STK33: variants seen among roughly 807,000 people sequenced by gnomAD.
STK33 encodes the protein serine/threonine kinase 33, also known as serine/threonine-protein kinase 33.
Under a neutral mutation model 58.0 loss-of-function variants are expected in STK33, and 52 were observed. The observed-to-expected ratio is 0.90, with a 90% CI of 0.72 to 1.13. The LOEUF (loss-of-function observed/expected upper bound fraction) is 1.13. STK33 is among the 50% of genes most tolerant of loss of function. The probability of loss-of-function intolerance (pLI) is 0.00; values close to 1 mark genes in which losing one functional copy is unlikely to be tolerated. For missense variants in STK33, 630 were observed against 604.2 expected (o/e 1.04, Z -0.45); for synonymous variants, 215 against 200.1 (o/e 1.07, Z -0.63).
chr11:8,509,582 G>A (rs537831467), intron 1 of STK33, among the ~76,000 whole-genome samples: 2 of 152,236 alleles, frequency 1.3e-5, no homozygotes, highest in South Asian at 2.1e-4. Context: ...CCTTAGTGGT[G>A]ATTTCTGAGA....
In STK33 at chr11:8,539,328, G is replaced by C. The variant is rs1955314627; in HGVS notation, c.-466+54755C>G. On this transcript the variant is annotated intron_variant, in intron 1 of 15. Transcript: ENST00000687296. ...TAAAGGCAATCTCTGACACGGTGCT[G>C]CATCTCAAAATGTTCCCTCAGTGAG... 4.6e-5 allele frequency among the ~76,000 whole-genome samples: 7 copies of C among 152,192 alleles called. 1 individual carries two copies. Among genetic ancestry groups the C allele is most frequent in the Admixed American group, 4.6e-4 (7 of 15,282 alleles).
intron 1 of STK33, among the ~76,000 whole-genome samples, chr11:8,497,165 TA>T: frequency 1.3e-5 from 2 of 151,948 alleles, no homozygotes; most frequent in South Asian, 4.2e-4. Flanking sequence ...AGAAGAAACA[TA>T]AAGGGGAAGA....
At chr11:8,407,085 T>C (rs1407317968) in intron 15 of STK33, among the ~76,000 whole-genome samples, 2 of 152,082 alleles carry the variant, frequency 1.3e-5, no homozygotes, top group Admixed American at 6.5e-5. Context: ...CAAATGCTTT[T>C]CCCAAAATCA....
intron 1 of STK33, among the ~76,000 whole-genome samples, chr11:8,553,191 TATATATGGTG>T (rs1484905850): frequency 2.7e-4 from 20 of 75,400 alleles, no homozygotes; most frequent in African/African-American, 1.5e-3. Flanking sequence ...TATATATATA[TATATATGGTG>T]TATATATATA....
chr11:8,495,583 C>A (rs181641717), intron 1 of STK33, among the ~76,000 whole-genome samples: 13 of 152,176 alleles, frequency 8.5e-5, no homozygotes, highest in Non-Finnish European at 1.5e-5. Context: ...TTTGACCCAG[C>A]GATCCCATTA....
intron 1 of STK33, among the ~76,000 whole-genome samples, chr11:8,572,481 A>T (rs1957893895): frequency 6.6e-6 from 1 of 152,242 alleles, no homozygotes; most frequent in Non-Finnish European, 1.5e-5. Flanking sequence ...ATGCCCCAGA[A>T]ATGATACAAC....
At chr11:8,489,352 G>C (rs1249534890) in intron 1 of STK33, among the ~76,000 whole-genome samples, 1 of 151,188 alleles carries the variant, frequency 6.6e-6, no homozygotes, top group Non-Finnish European at 1.5e-5. Context: ...AAATATAGAT[G>C]ATCAATAAAT....
chr11:8,515,885 A>G (rs996524553), intron 1 of STK33, among the ~76,000 whole-genome samples: 3 of 152,208 alleles, frequency 2.0e-5, no homozygotes, highest in Non-Finnish European at 4.4e-5. Flanking sequence ...AGTTAACATC[A>G]CACTCAAAGG....
the STK33 span, among the ~76,000 whole-genome samples, chr11:8,348,354 G>A: frequency 1.3e-5 from 2 of 152,154 alleles, no homozygotes; most frequent in South Asian, 4.1e-4. Context: ...TTGGCGGAAG[G>A]GGAAGCAAAC....
At position 8,534,568 on chromosome 11, in the gene STK33, CTGTGTGTGTGTG is replaced by C. The variant is rs34999243; in HGVS notation, c.-465-53966_-465-53955del. Among the ~76,000 whole-genome samples, 32 of 104,736 alleles carry C rather than the reference CTGTGTGTGTGTG, an allele frequency of 3.1e-4. No individual in the cohort carries two copies. The East Asian group carries it at 7.9e-3, about 26-fold the overall frequency. The allele number at this position is 104,736 out of a possible 152,430, so 68.7% of individuals were successfully genotyped here. Reference sequence around the variant, plus strand: ...TCTCTCTCTCTCTCTCTCTCTCTCTCTGTGTGTGTGTGTGTGTGTGTGTGTGTGTGTGTCAAG... The same window carrying C: ...TCTCTCTCTCTCTCTCTCTCTCTCTCTGTGTGTGTGTGTGTGTGTGTCAAG... On this transcript the variant is annotated intron_variant, in intron 1 of 15. Coordinates refer to ENST00000687296, the MANE Select transcript of STK33 (RefSeq NM_001352389.2).
intron 1 of STK33, among the ~76,000 whole-genome samples, chr11:8,591,499 T>TTG (rs2032585479): frequency 6.6e-6 from 1 of 152,120 alleles, no homozygotes; most frequent in African/African-American, 2.4e-5. Flanking sequence ...GAAAGGGCAA[T>TTG]TGTGGGGAAG....
At chr11:8,592,791 C>A (rs1227132853) in intron 1 of STK33, among the ~76,000 whole-genome samples, 3 of 151,928 alleles carry the variant, frequency 2.0e-5, no homozygotes, top group African/African-American at 7.3e-5. Flanking sequence ...TAATGAGAAG[C>A]CATGATGGAT....
chr11:8,587,926 A>G (rs747120305), intron 1 of STK33, among the ~76,000 whole-genome samples: 1 of 152,242 alleles, frequency 6.6e-6, no homozygotes, highest in African/African-American at 2.4e-5. Context: ...ACAGAATACC[A>G]TAGACTGGGT....
At chr11:8,483,703 G>A (rs1950006013) in intron 1 of STK33, among the ~76,000 whole-genome samples, 1 of 151,966 alleles carries the variant, frequency 6.6e-6, no homozygotes, top group African/African-American at 2.4e-5. Flanking sequence ...GCTCCAGCCA[G>A]TACAATCAAT....
At chr11:8,494,643 T>C (rs1036690334) in intron 1 of STK33, among the ~76,000 whole-genome samples, 1 of 151,988 alleles carries the variant, frequency 6.6e-6, no homozygotes, top group Non-Finnish European at 1.5e-5. Context: ...GCCAAGACAA[T>C]CCTAAGCAAA....
At chr11:8,392,958 T>C (rs975175132) in intron 15 of STK33, among the ~76,000 whole-genome samples, 9 of 152,222 alleles carry the variant, frequency 5.9e-5, no homozygotes, top group Admixed American at 4.6e-4. Context: ...ACCTCTGTCG[T>C]CCAAAATGTA....
At chr11:8,341,226 C>T in the STK33 span, among the ~76,000 whole-genome samples, 2 of 152,200 alleles carry the variant, frequency 1.3e-5, no homozygotes, top group African/African-American at 4.8e-5. Flanking sequence ...GTACCCCTGC[C>T]TTTGGTCCTC....
intron 1 of STK33, among the ~76,000 whole-genome samples, chr11:8,537,147 C>T (rs1042535236): frequency 2.0e-5 from 3 of 151,156 alleles, no homozygotes; most frequent in Non-Finnish European, 4.4e-5. Context: ...ACCTGACCAA[C>T]TTTTGTATTT....
At chr11:8,381,961 G>A in the STK33 span, among the ~76,000 whole-genome samples, 1 of 152,106 alleles carries the variant, frequency 6.6e-6, no homozygotes, top group African/African-American at 2.4e-5. Context: ...AAGGGCCAGA[G>A]CAATCTCTGC....
Sources: allele counts gnomAD v4.1 joint callset (sites outside exome capture counted in the v4.1 genomes callset), GRCh38; gene constraint gnomAD v4.1.1; transcripts MANE v1.5; gene names NCBI Gene and HGNC (gene_info 2026-07-23, HGNC 2026-07-21).